The following TTLL12 variants were observed in gnomAD, a reference collection of about 807,000 sequenced individuals.
TTLL12 encodes tubulin tyrosine ligase like 12.
A neutral mutation model predicts 79.6 loss-of-function variants in TTLL12; 77 were observed. The observed-to-expected ratio is 0.97, with a 90% confidence interval of 0.81 to 1.17. TTLL12 has a LOEUF of 1.17. Among genes scored for constraint, TTLL12 ranks in the 50% most tolerant of loss-of-function variants. The pLI is 0.00. For missense variants in TTLL12, 969 were observed against 895.9 expected, an observed-to-expected ratio of 1.08 and a Z score of -1.04; for synonymous variants, 437 against 376.1, an observed-to-expected ratio of 1.16 and a Z score of -1.87.
chr22:43,184,526 G>C (rs1048585757), intron 1 of TTLL12, among the ~76,000 whole-genome samples: 2 of 152,256 alleles, frequency 1.3e-5, no homozygotes, highest in African/African-American at 4.8e-5. Flanking sequence ...GCAGAGGGAA[G>C]AGTAAGAGCG....
intron 11 of TTLL12, among the ~76,000 whole-genome samples, chr22:43,171,348 C>G (rs1215560856): frequency 6.6e-6 from 1 of 152,172 alleles, no homozygotes. Flanking sequence ...ACTGAGTGCC[C>G]ACTGCATGGG....
In TTLL12 at chr22:43,180,948, C is replaced by A. The variant is rs781124124; in HGVS notation, c.348-8G>T. 1.2e-6 allele frequency: 2 copies of A among 1,608,526 alleles called. No homozygotes were observed. The highest frequency in any genetic ancestry group is 1.7e-6 in the Non-Finnish European group (2 of 1,177,998). On this transcript the variant is annotated splice_region_variant and splice_polypyrimidine_tract_variant and intron_variant, in intron 2 of 13. Transcript: ENST00000216129. ...TGGTCGATGAGGAAGATGCTGCGGG[C>A]ACAGGCCACAATGTGAGGCTGCCGG...
chr22:43,180,645 C>CT (rs1318493508), intron 3 of TTLL12, 97 bp downstream of exon 3: 62 of 1,376,466 alleles, frequency 4.5e-5, no homozygotes, highest in Non-Finnish European at 6.0e-5. Context: ...GAGTTGCTTG[C>CT]TCTGGCCGGC....
At position 43,187,121 on chromosome 22, in the gene TTLL12, C is replaced by G; in HGVS notation, c.-52G>C. 3 of 991,662 alleles carry G rather than the reference C, an allele frequency of 3.0e-6. 1 individual carries two copies. The highest frequency in any genetic ancestry group is 3.6e-6 in the Non-Finnish European group (3 of 822,398). The allele number at this position is 991,662 out of a possible 1,614,324, so 61.4% of individuals were successfully genotyped here. A position where few individuals can be genotyped will look rare whatever the true frequency, so the allele number is the denominator to read the frequency against. ...CGCCGCCACCGCCGCCGCCGCCCGCCGTCCGTCGGCCCTGCCCTCCCGCCT... is the reference window on the plus strand; with the variant it reads ...CGCCGCCACCGCCGCCGCCGCCCGCGGTCCGTCGGCCCTGCCCTCCCGCCT... On this transcript the variant is annotated 5_prime_UTR_variant, in exon 1 of 14. Transcript: ENST00000216129.
At chr22:43,174,637 G>A in intron 6 of TTLL12, 22 bp from the exon 7 acceptor site, 1 of 1,559,300 alleles carries the variant, frequency 6.4e-7, no homozygotes, top group Non-Finnish European at 8.7e-7. Flanking sequence ...GCCCGAGCTG[G>A]GTGATCCCGG....
Position 43,174,623 on chromosome 22 carries a change from G to A in TTLL12, c.918-8C>T. On this transcript the variant is annotated splice_region_variant and splice_polypyrimidine_tract_variant and intron_variant, in intron 6 of 13. Coordinates refer to ENST00000216129, the MANE Select transcript of TTLL12 (RefSeq NM_015140.4). ...TGCACGTCCGTGTAGACCCTGTGGG[G>A]AGAGCCCGAGCTGGGTGATCCCGGC... 6.3e-7 allele frequency: 1 copy of A among 1,592,032 alleles called. No homozygotes were observed. Among genetic ancestry groups the A allele is most frequent in the African/African-American group, 1.3e-5 (1 of 74,638 alleles).
At chr22:43,179,798 G>A (rs374432044) in intron 4 of TTLL12, 43 bp downstream of exon 4, 9 of 1,551,892 alleles carry the variant, frequency 5.8e-6, no homozygotes, top group East Asian at 2.3e-5. Context: ...ACGGGACACT[G>A]GGCTGAGGCC....
intron 5 of TTLL12, among the ~76,000 whole-genome samples, chr22:43,177,953 G>C (rs1931956722): frequency 1.3e-5 from 2 of 152,230 alleles, no homozygotes; most frequent in South Asian, 4.1e-4. Context: ...GAAAAAACAA[G>C]GATGCGTGGC....
chr22:43,179,835 A>T lies in TTLL12; in HGVS notation c.706+6T>A. 6.3e-7 allele frequency: 1 copy of T among 1,579,758 alleles called. No individual in the cohort carries two copies. The highest frequency in any genetic ancestry group is 2.3e-5 in the East Asian group (1 of 44,370). Reference sequence around the variant, plus strand: ...CTCCTCCAGGGCGGGCAGGTGCTGGACTTACCGCCAGTGTCCAGGTCCCTC... The same window carrying T: ...CTCCTCCAGGGCGGGCAGGTGCTGGTCTTACCGCCAGTGTCCAGGTCCCTC... On this transcript the variant is annotated splice_donor_region_variant and intron_variant, in intron 4 of 13. Coordinates refer to ENST00000216129, the MANE Select transcript of TTLL12 (RefSeq NM_015140.4).
At chr22:43,176,202 G>A (rs556152539) in intron 6 of TTLL12, 118 bp downstream of exon 6, 104 of 747,428 alleles carry the variant, frequency 1.4e-4, no homozygotes, top group African/African-American at 8.6e-4. Context: ...GACAGGATGC[G>A]GCTGACTTGC....
rs1569483978 is a variant in TTLL12 at position 43,172,566 on chromosome 22, A to T, written c.1342-12T>A. ...TACTTGGACACAACCTGGAGGACAC[A>T]GGTGCAAGCTCGCTGGTGGCCAGGA... On this transcript the variant is annotated splice_polypyrimidine_tract_variant and intron_variant, in intron 9 of 13. Coordinates refer to ENST00000216129, the MANE Select transcript of TTLL12 (RefSeq NM_015140.4). The T allele has an allele frequency of 3.1e-6, 5 of 1,613,998 alleles. No homozygotes were observed. Among genetic ancestry groups the T allele is most frequent in the Non-Finnish European group, 4.2e-6 (5 of 1,179,986 alleles).
intron 1 of TTLL12, chr22:43,185,993 A>C (rs545609154): frequency 1.0e-6 from 1 of 985,456 alleles, no homozygotes; most frequent in Admixed American, 6.1e-5. Flanking sequence ...TTCCTAGTCC[A>C]ATCAGGATTA....
chr22:43,179,704 CG>C lies in TTLL12; in HGVS notation c.754del (p.Arg252GlyfsTer105). ...FAYGETDPLIRKCMLLPWAPT... is the reference protein window; with the variant it reads ...FAYGETDPLIXKCMLLPWAPT... ...GGCCCAGGGCAGCAGCATGCACTTC[CG>C]GATCAGGGGGTCCGTCTCTCCGTAG... is the stretch of plus-strand genomic sequence containing the variant. On this transcript the variant is annotated frameshift_variant, in exon 5 of 14. Coordinates refer to ENST00000216129, the MANE Select transcript of TTLL12 (RefSeq NM_015140.4). LOFTEE classifies it high-confidence loss of function. 1.3e-6 allele frequency: 2 copies of C among 1,567,750 alleles called. No homozygotes were observed. Among genetic ancestry groups the C allele is most frequent in the South Asian group, 2.3e-5 (2 of 85,278 alleles).
chr22:43,173,654 C>A, intron 9 of TTLL12, 61 bp downstream of exon 9: 1 of 1,525,256 alleles, frequency 6.6e-7, no homozygotes, highest in African/African-American at 1.4e-5. Flanking sequence ...TCCCCTTAGC[C>A]CCACCTCTCA....
intron 11 of TTLL12, 35 bp downstream of exon 11, chr22:43,171,784 G>T: frequency 6.3e-7 from 1 of 1,598,564 alleles, no homozygotes; most frequent in East Asian, 2.2e-5. Context: ...CCTGGCCTCT[G>T]TGTGAACCTG....
chr22:43,173,676 G>A (rs1395249768), intron 9 of TTLL12, 39 bp downstream of exon 9: 2 of 1,580,180 alleles, frequency 1.3e-6, no homozygotes, highest in African/African-American at 2.7e-5. Flanking sequence ...TGTCCAGCCA[G>A]GGCCCTGAGC....
chr22:43,170,232 A>G (rs758990612), intron 11 of TTLL12: 2 of 288,006 alleles, frequency 6.9e-6, no homozygotes, highest in Non-Finnish European at 1.4e-5. Context: ...GGAGGGGCTC[A>G]GAACCTGAGG....
At chr22:43,186,191 C>CCCT (rs1555982106) in intron 1 of TTLL12, among the ~76,000 whole-genome samples, 3 of 130,970 alleles carry the variant, frequency 2.3e-5, no homozygotes, top group Non-Finnish European at 4.7e-5. Context: ...AAGAAAACAC[C>CCCT]CCCCCCCCCG....
At chr22:43,183,680 G>A (rs1932114227) in intron 1 of TTLL12, among the ~76,000 whole-genome samples, 1 of 152,222 alleles carries the variant, frequency 6.6e-6, no homozygotes, top group Non-Finnish European at 1.5e-5. Flanking sequence ...AACAGGAAGC[G>A]AGGCCCCAGG....
Sources: gnomAD v4.1 joint callset for allele counts (sites outside exome capture counted in the v4.1 genomes callset) on GRCh38, gnomAD v4.1.1 for gene constraint, MANE v1.5 for transcripts, NCBI Gene and HGNC (gene_info 2026-07-23, HGNC 2026-07-21) for gene names.